DNAH6: variants seen among roughly 807,000 people sequenced by gnomAD.
DNAH6 encodes the protein dynein axonemal heavy chain 6, also known as axonemal beta dynein heavy chain 6.
In DNAH6, 340 loss-of-function variants were observed where a neutral mutation model predicts 491.4. The ratio of observed to expected loss-of-function variants is 0.69; its 90% CI spans 0.63 to 0.76. DNAH6 has a LOEUF of 0.76. Among genes scored for constraint, DNAH6 ranks in the 30% least tolerant of loss-of-function variants. The pLI is 0.00. For synonymous variants in DNAH6, 1,603 were observed against 1,686.1 expected, an observed-to-expected ratio of 0.95 and a Z score of 1.21; for missense variants, 4,443 against 4,972.2, an observed-to-expected ratio of 0.89 and a Z score of 3.20.
At position 84,787,211 on chromosome 2, in the gene DNAH6, T is replaced by C; in HGVS notation, c.11148T>C (p.Phe3716=). ...GPLGWNICYE[F]NDSDRECALL... is the part of the protein sequence containing the mutation. ...TTGGTTGGAATATCTGCTATGAATT[T>C]AATGACAGTGACAGGGAATGTGCTT... Residue 3716 remains phenylalanine, a synonymous_variant, in exon 68 of 77, where the codon TTT becomes TTC. Transcript: ENST00000389394. The C allele has an allele frequency of 1.9e-6, 3 of 1,541,880 alleles. No individual in the cohort carries two copies. The highest frequency in any genetic ancestry group is 1.7e-4 in the Middle Eastern group (1 of 5,980).
intron 30 of DNAH6, among the ~76,000 whole-genome samples, chr2:84,635,285 T>G (rs1156903558): frequency 6.6e-6 from 1 of 152,194 alleles, no homozygotes; most frequent in African/African-American, 2.4e-5. Flanking sequence ...TACTAAATTG[T>G]GTAAGTCATT....
Position 84,544,437 on chromosome 2 carries a change from C to A in DNAH6, c.867C>A (p.Val289=). The A allele has an allele frequency of 6.5e-7, 1 of 1,538,334 alleles. No homozygotes were observed. The highest frequency in any genetic ancestry group is 8.8e-7 in the Non-Finnish European group (1 of 1,135,164). ...WKAFSVWRKN[V]RSKKITGCQK... ...CTTTTAGTGTATGGAGGAAGAATGT[C>A]CGCTCCAAGAAAATCACTGGATGTC... is the stretch of plus-strand genomic sequence containing the variant. The change falls in exon 5 of 77, where the codon GTC becomes GTA. Residue 289 remains valine, a synonymous_variant. Coordinates refer to ENST00000389394, the MANE Select transcript of DNAH6 (RefSeq NM_001370.2).
intron 18 of DNAH6, 63 bp downstream of exon 18, chr2:84,595,852 A>C: frequency 7.1e-7 from 1 of 1,415,212 alleles, no homozygotes; most frequent in East Asian, 2.7e-5. Flanking sequence ...GATGCTAATG[A>C]GACCAAAATC....
At chr2:84,537,445 T>A (rs1343985654) in intron 4 of DNAH6, among the ~76,000 whole-genome samples, 1 of 151,994 alleles carries the variant, frequency 6.6e-6, no homozygotes, top group African/African-American at 2.4e-5. Flanking sequence ...TCAATGTGGA[T>A]CTCATCTTTT....
chr2:84,686,374 T>G, intron 43 of DNAH6, 110 bp from the exon 44 acceptor site: 1 of 650,388 alleles, frequency 1.5e-6, no homozygotes, highest in East Asian at 3.0e-5. Context: ...TTATGTATAT[T>G]AATTAAGTCT....
intron 76 of DNAH6, among the ~76,000 whole-genome samples, chr2:84,817,239 T>A (rs1680581560): frequency 6.6e-6 from 1 of 151,700 alleles, no homozygotes; most frequent in African/African-American, 2.4e-5. Flanking sequence ...GTATAATATA[T>A]GCTGGAACTG....
At chr2:84,504,211 A>G in the DNAH6 span, among the ~76,000 whole-genome samples, 1 of 152,084 alleles carries the variant, frequency 6.6e-6, no homozygotes. Context: ...ATTCTTCAGT[A>G]TGTCAGTTGC....
At position 84,745,240 on chromosome 2, in the gene DNAH6, A is replaced by G. The variant is rs1235429446; in HGVS notation, c.10503A>G (p.Lys3501=). The change falls in exon 63 of 77, where the codon AAA becomes AAG. Residue 3501 remains lysine (K), a synonymous_variant. Coordinates refer to ENST00000389394, the MANE Select transcript of DNAH6 (RefSeq NM_001370.2). ...AGCTAATTCTTATTAAATGTTGTAA[A>G]GAAGAAAAGGTAGGGCATTTTTTTA... ...FHKLILIKCC[K]EEKVVFALTD... is the part of the protein sequence containing the mutation. The G allele has an allele frequency of 6.7e-7, 1 of 1,497,832 alleles. No individual in the cohort carries two copies. The highest frequency in any genetic ancestry group is 2.5e-5 in the East Asian group (1 of 39,446). The allele number at this position is 1,497,832 out of a possible 1,614,324, so 92.8% of individuals were successfully genotyped here.
At position 84,553,978 on chromosome 2, in the gene DNAH6, T is replaced by C. The variant is rs114892341; in HGVS notation, c.1602+944T>C. On this transcript the variant is annotated intron_variant, in intron 10 of 76. Coordinates refer to ENST00000389394, the MANE Select transcript of DNAH6 (RefSeq NM_001370.2). ...AAAGTCTTGGTCTCCCTCAGGCTGC[T>C]GGAAGAATTCAGCTCTAAGCAACTG... Among the ~76,000 whole-genome samples the C allele has an allele frequency of 4.0e-3, 613 of 152,314 alleles. 3 individuals carry two copies. Among genetic ancestry groups the C allele is most frequent in the African/African-American group, 0.014 (571 of 41,566 alleles).
chr2:84,745,129 A>G lies in DNAH6; in HGVS notation c.10392A>G (p.Lys3464=). Residue 3464 remains lysine, a synonymous_variant, in exon 63 of 77, where the codon AAA becomes AAG. Transcript: ENST00000389394. ...CACAGAAATGGGAAGGCTATTCTAA[A>G]ATGAAACACGAAGATAAACACATGA... ...INPQKWEGYS[K]MKHEDKHMRQ... 1 of 1,546,466 alleles carries G rather than the reference A, an allele frequency of 6.5e-7. No individual in the cohort carries two copies. Among genetic ancestry groups the G allele is most frequent in the Non-Finnish European group, 8.7e-7 (1 of 1,144,336 alleles).
At chr2:84,529,197 TA>T in intron 4 of DNAH6, 31 bp downstream of exon 4, 1 of 1,442,448 alleles carries the variant, frequency 6.9e-7, no homozygotes, top group African/African-American at 1.4e-5. Context: ...CAATTTAACA[TA>T]AAAATTACAA....
Position 84,640,598 on chromosome 2 carries a change from A to G in DNAH6, c.4970+20A>G. On this transcript the variant is annotated intron_variant, in intron 32 of 76. Transcript: ENST00000389394. ...GGCTGGGTAAGAAACCAAAGTAGTC[A>G]AGAGTGAAATCCCAAACCATGTGAT... 6.5e-7 allele frequency: 1 copy of G among 1,539,036 alleles called. No individual in the cohort carries two copies. The highest frequency in any genetic ancestry group is 8.8e-7 in the Non-Finnish European group (1 of 1,141,714).
chr2:84,502,151 G>T, the DNAH6 span, among the ~76,000 whole-genome samples: 1 of 151,820 alleles, frequency 6.6e-6, no homozygotes, highest in African/African-American at 2.4e-5. Flanking sequence ...TTTCATGTAG[G>T]CACTTATAGC....
chr2:84,663,716 G>A (rs184700665), intron 37 of DNAH6, among the ~76,000 whole-genome samples: 10 of 152,228 alleles, frequency 6.6e-5, no homozygotes, highest in African/African-American at 2.4e-4. Flanking sequence ...AGCAAGACAG[G>A]CCAACATTCA....
intron 29 of DNAH6, among the ~76,000 whole-genome samples, chr2:84,626,769 T>G (rs1479122636): frequency 6.6e-6 from 1 of 152,112 alleles, no homozygotes; most frequent in African/African-American, 2.4e-5. Context: ...ACCCGGCTAA[T>G]TTTTGTATTT....
intron 4 of DNAH6, among the ~76,000 whole-genome samples, chr2:84,530,320 C>CT (rs1677041172): frequency 6.6e-6 from 1 of 152,044 alleles, no homozygotes; most frequent in South Asian, 2.1e-4. Flanking sequence ...GAGTGGGCCT[C>CT]ATTGAGAAGC....
chr2:84,585,580 A>G (rs1683453158), intron 15 of DNAH6, among the ~76,000 whole-genome samples: 1 of 151,874 alleles, frequency 6.6e-6, no homozygotes, highest in African/African-American at 2.4e-5. Context: ...TTGTCCCATC[A>G]TCTCTGCAGC....
chr2:84,611,447 C>T (rs1471084941), intron 21 of DNAH6, among the ~76,000 whole-genome samples: 1 of 151,950 alleles, frequency 6.6e-6, no homozygotes, highest in Non-Finnish European at 1.5e-5. Flanking sequence ...ATTCTGGTAA[C>T]CATATGGAAG....
chr2:84,806,418 G>C (rs924076719), intron 71 of DNAH6, among the ~76,000 whole-genome samples: 2 of 152,162 alleles, frequency 1.3e-5, no homozygotes, highest in African/African-American at 2.4e-5. Flanking sequence ...AGGAGATCAA[G>C]ACTATCCTGG....
Sources: allele counts gnomAD v4.1 joint callset (sites outside exome capture counted in the v4.1 genomes callset), GRCh38; gene constraint gnomAD v4.1.1; transcripts MANE v1.5; gene names NCBI Gene and HGNC (gene_info 2026-07-23, HGNC 2026-07-21).